GUCY1A1: variants seen among roughly 807,000 people sequenced by gnomAD.
GUCY1A1 encodes guanylate cyclase 1 soluble subunit alpha 1.
In GUCY1A1, 48 loss-of-function variants were observed where a neutral mutation model predicts 64.5. The observed-to-expected ratio is 0.74, with a 90% CI of 0.59 to 0.95. GUCY1A1 has a LOEUF of 0.95. GUCY1A1 is among the 40% of genes least tolerant of loss of function. The probability of loss-of-function intolerance (pLI) is 0.00; values close to 1 mark genes in which losing one functional copy is unlikely to be tolerated. For missense variants in GUCY1A1, 804 were observed against 825.3 expected (o/e 0.97, Z 0.32); for synonymous variants, 308 against 303.4 (o/e 1.02, Z -0.16).
intron 3 of GUCY1A1, among the ~76,000 whole-genome samples, chr4:155,700,683 C>T (rs948408382): frequency 3.3e-5 from 5 of 152,152 alleles, no homozygotes; most frequent in Non-Finnish European, 1.5e-5. Context: ...CAAGTGTCCC[C>T]TCTGTGAATC....
chr4:155,691,494 T>G (rs1483016252), intron 2 of GUCY1A1, among the ~76,000 whole-genome samples: 1 of 152,224 alleles, frequency 6.6e-6, no homozygotes, highest in Non-Finnish European at 1.5e-5. Context: ...TACCTGAAAA[T>G]TAAGCCTTTT....
At chr4:155,702,233 C>G (rs1223336586) in intron 3 of GUCY1A1, among the ~76,000 whole-genome samples, 1 of 152,076 alleles carries the variant, frequency 6.6e-6, no homozygotes, top group Non-Finnish European at 1.5e-5. Flanking sequence ...AGGCAGCAAC[C>G]CTTATTTTAT....
chr4:155,709,346 T>C (rs2126840903), intron 5 of GUCY1A1, among the ~76,000 whole-genome samples: 1 of 152,354 alleles, frequency 6.6e-6, no homozygotes, highest in Non-Finnish European at 1.5e-5. Flanking sequence ...CCTTTGTTAA[T>C]TCTTTCTCCT....
chr4:155,692,149 T>C (rs1729829092), intron 2 of GUCY1A1, among the ~76,000 whole-genome samples: 1 of 152,228 alleles, frequency 6.6e-6, no homozygotes, highest in South Asian at 2.1e-4. Flanking sequence ...AACTACATAT[T>C]ATTCCATGGT....
At position 155,735,481 on chromosome 4, in the gene GUCY1A1, C is replaced by G. The variant is rs763216283; in HGVS notation, c.*5250C>G. On this transcript the variant is annotated 3_prime_UTR_variant, in exon 10 of 10. Transcript: ENST00000506455. Reference sequence around the variant, plus strand: ...TTAAATGTCATATCCAGGACTTAATCTCAGATATTCTGGTAGAAGATATTT... The same window carrying G: ...TTAAATGTCATATCCAGGACTTAATGTCAGATATTCTGGTAGAAGATATTT... 1 of 151,902 alleles carries G rather than the reference C, an allele frequency of 6.6e-6. No homozygotes were observed. 9.4% of individuals were successfully genotyped at this position (151,902 alleles called of 1,614,324 possible).
rs781604422 is a variant in GUCY1A1 at position 155,713,217 on chromosome 4, C to T, written c.1206C>T (p.Asp402=). The T allele has an allele frequency of 1.2e-6, 2 of 1,614,122 alleles. No homozygotes were observed. The highest frequency in any genetic ancestry group is 2.2e-5 in the South Asian group (2 of 91,082). ...CAGGACGAGGGCTCTACCTCTCAGA[C>T]ATCCCAATTCACAATGCACTGAGGG... ...DFTGRGLYLS[D]IPIHNALRDV... The change falls in exon 7 of 10, where the codon GAC becomes GAT. Residue 402 remains aspartate (D), a synonymous_variant. Transcript: ENST00000506455.
intron 3 of GUCY1A1, among the ~76,000 whole-genome samples, chr4:155,702,438 A>T (rs879332363): frequency 1.3e-5 from 2 of 152,180 alleles, no homozygotes; most frequent in Non-Finnish European, 2.9e-5. Flanking sequence ...AGTGTCACTA[A>T]TTTAATGTTA....
Position 155,697,002 on chromosome 4 carries a change from C to T in GUCY1A1, c.135C>T (p.Pro45=), listed in dbSNP as rs1259939234. The change falls in exon 3 of 10, where the codon CCC becomes CCT. Residue 45 remains proline, a synonymous_variant. Coordinates refer to ENST00000506455, the MANE Select transcript of GUCY1A1 (RefSeq NM_001130682.3). ...CAGAGAGCTGCAAAGCAACCGTGCC[C>T]ATCTGTCAAGACATTCCTGAGAAGA... ...GSSESCKATV[P]ICQDIPEKNI... 5 of 1,613,676 alleles carry T rather than the reference C, an allele frequency of 3.1e-6. No individual in the cohort carries two copies. The highest frequency in any genetic ancestry group is 3.4e-6 in the Non-Finnish European group (4 of 1,179,660).
chr4:155,714,762 C>A (rs540004274), intron 7 of GUCY1A1, among the ~76,000 whole-genome samples: 1 of 152,098 alleles, frequency 6.6e-6, no homozygotes, highest in Non-Finnish European at 1.5e-5. Flanking sequence ...TTAAAAATTC[C>A]TAACAGGAAA....
At chr4:155,688,788 A>T (rs1416565843) in intron 2 of GUCY1A1, among the ~76,000 whole-genome samples, 1 of 151,152 alleles carries the variant, frequency 6.6e-6, no homozygotes. Context: ...AAAGCAAAAA[A>T]GAAAAAAAAC....
intron 2 of GUCY1A1, among the ~76,000 whole-genome samples, chr4:155,693,006 C>T (rs902991608): frequency 6.6e-6 from 1 of 152,040 alleles, no homozygotes; most frequent in Non-Finnish European, 1.5e-5. Context: ...TTTCAGTGAT[C>T]CAAGATCATG....
At chr4:155,683,252 AAG>A (rs1444299258) in intron 2 of GUCY1A1, among the ~76,000 whole-genome samples, 1 of 152,228 alleles carries the variant, frequency 6.6e-6, no homozygotes, top group Non-Finnish European at 1.5e-5. Context: ...AAAATAGAAA[AAG>A]AGAATATATA....
intron 2 of GUCY1A1, among the ~76,000 whole-genome samples, chr4:155,695,519 C>A (rs1193757058): frequency 1.3e-5 from 2 of 152,050 alleles, no homozygotes; most frequent in South Asian, 2.1e-4. Flanking sequence ...ATTAACAAAG[C>A]CCGATTGTGT....
intron 9 of GUCY1A1, among the ~76,000 whole-genome samples, chr4:155,724,380 T>C (rs1320185771): frequency 6.6e-6 from 1 of 152,170 alleles, no homozygotes; most frequent in African/African-American, 2.4e-5. Context: ...CTCTGTTTTA[T>C]AGCAAAACTG....
intron 2 of GUCY1A1, among the ~76,000 whole-genome samples, chr4:155,685,929 C>T (rs139399979): frequency 6.7e-4 from 102 of 152,262 alleles, no homozygotes; most frequent in Non-Finnish European, 1.1e-3. Flanking sequence ...GTCACTCCTT[C>T]CTTCCCATCA....
rs1032409064 is a variant in GUCY1A1, at chr4:155,735,450, C to G, written c.*5219C>G. 1 of 151,774 alleles carries G rather than the reference C, an allele frequency of 6.6e-6. No homozygotes were observed. Among genetic ancestry groups the G allele is most frequent in the African/African-American group, 2.4e-5 (1 of 41,348 alleles). 9.4% of individuals were successfully genotyped at this position (151,774 alleles called of 1,614,324 possible). A position where few individuals can be genotyped will look rare whatever the true frequency, so the allele number is the denominator to read the frequency against. Reference sequence around the variant, plus strand: ...TTAAACATTGGGGTAGAAATCAGGACAAAATTTAAATGTCATATCCAGGAC... The same window carrying G: ...TTAAACATTGGGGTAGAAATCAGGAGAAAATTTAAATGTCATATCCAGGAC... On this transcript the variant is annotated 3_prime_UTR_variant, in exon 10 of 10. Transcript: ENST00000506455.
At chr4:155,715,870 A>G (rs1267427802) in intron 7 of GUCY1A1, among the ~76,000 whole-genome samples, 1 of 152,196 alleles carries the variant, frequency 6.6e-6, no homozygotes, top group Non-Finnish European at 1.5e-5. Flanking sequence ...GAGTAAATTT[A>G]TAGTATTTAA....
At chr4:155,676,856 C>T (rs4691047) in intron 2 of GUCY1A1, among the ~76,000 whole-genome samples, 77,162 of 150,878 alleles carry the variant, frequency 0.51, 21,288 homozygotes, top group East Asian at 0.83. Flanking sequence ...CCTTACTTTG[C>T]TGTCTCTGCC....
At chr4:155,726,265 A>G (rs1734655123) in intron 9 of GUCY1A1, among the ~76,000 whole-genome samples, 1 of 152,084 alleles carries the variant, frequency 6.6e-6, no homozygotes, top group Non-Finnish European at 1.5e-5. Flanking sequence ...AAATATAAAT[A>G]CTTAATGTTA....
Sources: allele counts gnomAD v4.1 joint callset (sites outside exome capture counted in the v4.1 genomes callset), GRCh38; gene constraint gnomAD v4.1.1; transcripts MANE v1.5; gene names NCBI Gene and HGNC (gene_info 2026-07-23, HGNC 2026-07-21).